The following DNAI2 variants were observed in gnomAD, a reference collection of about 807,000 sequenced individuals.
DNAI2 encodes the protein dynein axonemal intermediate chain 2, also known as dynein, axonemal, intermediate polypeptide 2.
A neutral mutation model predicts 74.7 loss-of-function variants in DNAI2; 63 were observed. The ratio of observed to expected loss-of-function variants is 0.84; its 90% CI spans 0.69 to 1.04. The LOEUF is 1.04. Among genes scored for constraint, DNAI2 ranks in the 50% least tolerant of loss-of-function variants. The pLI, the probability that DNAI2 is intolerant of heterozygous loss-of-function variation, is 0.00. For missense variants in DNAI2, 688 were observed against 803.2 expected, an observed-to-expected ratio of 0.86 and a Z score of 1.73; for synonymous variants, 289 against 314.9, an observed-to-expected ratio of 0.92 and a Z score of 0.87.
intron 6 of DNAI2, among the ~76,000 whole-genome samples, chr17:74,291,466 G>T (rs138264021): frequency 1.3e-4 from 20 of 152,164 alleles, no homozygotes; most frequent in Middle Eastern, 3.4e-3. Flanking sequence ...ACCTGGCCGG[G>T]ACCCAGATTC....
At position 74,309,174 on chromosome 17, in the gene DNAI2, C is replaced by T. The variant is rs2053359345; in HGVS notation, c.1212-79C>T. Reference sequence around the variant, plus strand: ...CTAGCAAGACTCTGAGATCCTGGAGCCCAGAAGGGACCAAGTGAGCCAAGC... The same window carrying T: ...CTAGCAAGACTCTGAGATCCTGGAGTCCAGAAGGGACCAAGTGAGCCAAGC... On this transcript the variant is annotated intron_variant, in intron 9 of 13. Coordinates refer to ENST00000311014, the MANE Select transcript of DNAI2 (RefSeq NM_023036.6). The T allele has an allele frequency of 2.0e-6, 3 of 1,528,054 alleles. No individual in the cohort carries two copies. The Admixed American group carries it at 5.2e-5, about 27-fold the overall frequency. The allele number at this position is 1,528,054 out of a possible 1,614,324, so 94.7% of individuals were successfully genotyped here.
chr17:74,309,768 G>C (rs1203408179), intron 10 of DNAI2: 1 of 640,156 alleles, frequency 1.6e-6, no homozygotes, highest in African/African-American at 1.8e-5. Flanking sequence ...GGCCACGGAA[G>C]GGTGGGGGCA....
rs547477346 is a variant in DNAI2 at position 74,283,947 on chromosome 17, G to A, written c.184-1093G>A. 2.0e-5 allele frequency among the ~76,000 whole-genome samples: 3 copies of A among 152,136 alleles called. No individual in the cohort carries two copies. The East Asian group carries it at 5.8e-4, about 29-fold the overall frequency. ...GAGGTCAGGAGTTCAAAACCAGCCT[G>A]GCCAACATGGTGAAACCCCGTCTCT... On this transcript the variant is annotated intron_variant, in intron 2 of 13. Coordinates refer to ENST00000311014, the MANE Select transcript of DNAI2 (RefSeq NM_023036.6).
chr17:74,295,240 A>C (rs1400798896), intron 6 of DNAI2, among the ~76,000 whole-genome samples: 2 of 150,432 alleles, frequency 1.3e-5, no homozygotes, highest in Admixed American at 1.3e-4. Context: ...ACTTAAAAAA[A>C]AAAAAAAAAA....
intron 1 of DNAI2, among the ~76,000 whole-genome samples, chr17:74,279,851 C>A (rs2051296588): frequency 1.3e-5 from 2 of 152,268 alleles, no homozygotes; most frequent in South Asian, 4.2e-4. Flanking sequence ...CGTTGAAAGG[C>A]CTTTGGTTGT....
At chr17:74,313,473 C>G in intron 12 of DNAI2, among the ~76,000 whole-genome samples, 1 of 152,194 alleles carries the variant, frequency 6.6e-6, no homozygotes, top group East Asian at 1.9e-4. Context: ...ACTCACCACT[C>G]CTGGCCTATC....
intron 1 of DNAI2, among the ~76,000 whole-genome samples, chr17:74,275,600 G>A (rs558952142): frequency 6.6e-6 from 1 of 152,072 alleles, no homozygotes; most frequent in African/African-American, 2.4e-5. Flanking sequence ...AGTGGCTCAC[G>A]CCTGTAGTCC....
chr17:74,297,662 G>T (rs1337186409), intron 6 of DNAI2, among the ~76,000 whole-genome samples: 2 of 151,172 alleles, frequency 1.3e-5, no homozygotes, highest in Non-Finnish European at 2.9e-5. Context: ...GATTACAGGC[G>T]TGAGCCACCA....
chr17:74,284,629 G>T (rs2051598707), intron 2 of DNAI2, among the ~76,000 whole-genome samples: 1 of 152,132 alleles, frequency 6.6e-6, no homozygotes, highest in Non-Finnish European at 1.5e-5. Flanking sequence ...AGCGAGGACG[G>T]TCTCGATCTC....
chr17:74,294,519 T>C (rs1179751028), intron 6 of DNAI2, among the ~76,000 whole-genome samples: 7 of 152,022 alleles, frequency 4.6e-5, no homozygotes, highest in African/African-American at 1.4e-4. Flanking sequence ...TCTTGCTATG[T>C]TGCCCAGGCT....
intron 2 of DNAI2, among the ~76,000 whole-genome samples, chr17:74,282,896 C>T (rs1162653950): frequency 6.6e-6 from 1 of 152,194 alleles, no homozygotes; most frequent in Non-Finnish European, 1.5e-5. Flanking sequence ...ACTCACAGTT[C>T]AAATGAATTA....
chr17:74,286,983 G>A lies in DNAI2; in HGVS notation c.352G>A (p.Glu118Lys). The change falls in exon 4 of 14, where the codon GAG (glutamate) becomes AAG (lysine). Residue 118 changes from glutamate (E) to lysine (K), a missense_variant. Physicochemically the swap from Glu to Lys is moderately conservative, Grantham distance 56 (BLOSUM62 1). Transcript: ENST00000311014. Reference sequence around the variant, plus strand: ...TCCAATGTGTCCCCCCTAGATCATGGAGCACTGCATCAAGCAGAACAATGC... The same window carrying A: ...TCCAATGTGTCCCCCCTAGATCATGAAGCACTGCATCAAGCAGAACAATGC... ...NAIMQLGSIM[E>K]HCIKQNNAID... 6.2e-7 allele frequency: 1 copy of A among 1,613,816 alleles called. No homozygotes were observed. Among genetic ancestry groups the A allele is most frequent in the Non-Finnish European group, 8.5e-7 (1 of 1,179,830 alleles).
intron 4 of DNAI2, among the ~76,000 whole-genome samples, chr17:74,288,271 A>G (rs1272309077): frequency 6.6e-6 from 1 of 152,202 alleles, no homozygotes; most frequent in Non-Finnish European, 1.5e-5. Context: ...ATTTTGCCCA[A>G]CTATAGGCTA....
At chr17:74,302,587 G>C (rs140088698) in intron 8 of DNAI2, among the ~76,000 whole-genome samples, 78 of 152,128 alleles carry the variant, frequency 5.1e-4, no homozygotes, top group Non-Finnish European at 9.6e-4. Context: ...ACAAAGAAAA[G>C]AAAAACAGGA....
At chr17:74,290,535 C>T (rs548388114) in intron 5 of DNAI2, among the ~76,000 whole-genome samples, 1 of 152,268 alleles carries the variant, frequency 6.6e-6, no homozygotes, top group Non-Finnish European at 1.5e-5. Flanking sequence ...CTCCAGCTTC[C>T]CTTCGTTGTC....
chr17:74,295,352 A>T (rs1168077433), intron 6 of DNAI2, among the ~76,000 whole-genome samples: 1 of 151,990 alleles, frequency 6.6e-6, no homozygotes, highest in Non-Finnish European at 1.5e-5. Flanking sequence ...CAGTAAGTTG[A>T]GATTGTGCCA....
intron 6 of DNAI2, among the ~76,000 whole-genome samples, chr17:74,293,420 T>C (rs2052246434): frequency 6.6e-6 from 1 of 152,172 alleles, no homozygotes; most frequent in Non-Finnish European, 1.5e-5. Flanking sequence ...CATTTGTCTC[T>C]AGTAGCATTT....
intron 11 of DNAI2, among the ~76,000 whole-genome samples, chr17:74,310,457 C>T (rs889105783): frequency 2.0e-5 from 3 of 151,168 alleles, no homozygotes; most frequent in Admixed American, 6.6e-5. Flanking sequence ...TTTCAAATAA[C>T]ACTTTTTTTT....
chr17:74,309,993 G>C (rs2053420886), intron 10 of DNAI2, 24 bp from the exon 11 acceptor site: 1 of 1,613,656 alleles, frequency 6.2e-7, no homozygotes, highest in Non-Finnish European at 8.5e-7. Flanking sequence ...TCCTCTACCT[G>C]GGTCTGCCCG....
Sources: gnomAD v4.1 joint callset for allele counts (sites outside exome capture counted in the v4.1 genomes callset) on GRCh38, gnomAD v4.1.1 for gene constraint, MANE v1.5 for transcripts, NCBI Gene and HGNC (gene_info 2026-07-23, HGNC 2026-07-21) for gene names.